Variants in SEMA6D observed in about 807,000 individuals in gnomAD.
SEMA6D encodes semaphorin 6D, also known as semaphorin-6D.
SEMA6D carries 35 observed loss-of-function variants against 106.6 expected under a neutral mutation model. The observed-to-expected ratio is 0.33, with a 90% CI of 0.25 to 0.44. The LOEUF (loss-of-function observed/expected upper bound fraction) is 0.44, where lower values mean the gene tolerates loss of function less well. SEMA6D is among the 20% of genes least tolerant of loss of function. The pLI is 1.00. For missense variants in SEMA6D, 1,185 were observed against 1,345.9 expected (o/e 0.88, Z 1.87); for synonymous variants, 499 against 487.7 (o/e 1.02, Z -0.31).
At chr15:47,365,357 A>G (rs1595834602) in intron 1 of SEMA6D, among the ~76,000 whole-genome samples, 2 of 152,142 alleles carry the variant, frequency 1.3e-5, no homozygotes, top group Non-Finnish European at 2.9e-5. Context: ...TCCCTGCCCT[A>G]CAACAGTGCC....
intron 3 of SEMA6D, among the ~76,000 whole-genome samples, chr15:47,472,687 C>T (rs1214508978): frequency 6.6e-6 from 1 of 151,814 alleles, no homozygotes; most frequent in African/African-American, 2.4e-5. Context: ...ATAAAAATAC[C>T]AATAACATTG....
chr15:47,745,122 A>T (rs2081053332), intron 1 of SEMA6D, among the ~76,000 whole-genome samples: 2 of 152,218 alleles, frequency 1.3e-5, no homozygotes, highest in East Asian at 3.9e-4. Context: ...ACAAATGTAG[A>T]TAAGGGTTTG....
intron 8 of SEMA6D, among the ~76,000 whole-genome samples, chr15:47,762,526 T>C (rs1225977757): frequency 6.6e-6 from 1 of 152,088 alleles, no homozygotes; most frequent in Non-Finnish European, 1.5e-5. Context: ...TCCAGGTGTT[T>C]ATCCTAGGTG....
At chr15:47,511,202 A>T (rs1223306055) in intron 3 of SEMA6D, among the ~76,000 whole-genome samples, 1 of 152,080 alleles carries the variant, frequency 6.6e-6, no homozygotes, top group Non-Finnish European at 1.5e-5. Context: ...AAGGAGGTGG[A>T]GTTGGTTTGG....
chr15:47,510,671 G>A (rs1336265738), intron 3 of SEMA6D, among the ~76,000 whole-genome samples: 1 of 152,224 alleles, frequency 6.6e-6, no homozygotes, highest in Non-Finnish European at 1.5e-5. Flanking sequence ...AGTGTGAGGT[G>A]CAGCAGTAAG....
chr15:47,262,666 T>C (rs1272963893), intron 1 of SEMA6D, among the ~76,000 whole-genome samples: 4 of 151,970 alleles, frequency 2.6e-5, no homozygotes, highest in Admixed American at 2.0e-4. Context: ...CAAACTACCA[T>C]TGGCATTCTT....
chr15:47,629,748 A>T (rs781644956), intron 4 of SEMA6D, among the ~76,000 whole-genome samples: 1 of 151,722 alleles, frequency 6.6e-6, no homozygotes, highest in Non-Finnish European at 1.5e-5. Context: ...TCTGTTCTTT[A>T]TGTCCATGAG....
intron 1 of SEMA6D, among the ~76,000 whole-genome samples, chr15:47,300,942 G>A (rs2035995255): frequency 6.6e-6 from 1 of 152,194 alleles, no homozygotes; most frequent in Non-Finnish European, 1.5e-5. Context: ...CTTATTGCCT[G>A]CAAGAAAATA....
intron 17 of SEMA6D, 49 bp downstream of exon 17, chr15:47,767,142 G>T: frequency 7.7e-7 from 1 of 1,304,320 alleles, no homozygotes. Context: ...CTTTCCTTCA[G>T]TTCAGCATTT....
At chr15:47,746,984 G>GTGTATATATATATATATATATATATATA (rs1401767590) in intron 1 of SEMA6D, among the ~76,000 whole-genome samples, 57 of 122,084 alleles carry the variant, frequency 4.7e-4, no homozygotes, top group East Asian at 1.6e-3. Context: ...GTGTGTGTGT[G>GTGTATATATATATATATATATATATATA]TATATATATA....
intron 3 of SEMA6D, among the ~76,000 whole-genome samples, chr15:47,542,999 C>A (rs1488592083): frequency 6.6e-6 from 1 of 152,120 alleles, no homozygotes; most frequent in East Asian, 1.9e-4. Context: ...CAATGTCCTG[C>A]ACATTTACTG....
chr15:47,389,550 T>C lies in SEMA6D; in HGVS notation c.-238-22843T>C, dbSNP rs543262559. 3.3e-5 allele frequency among the ~76,000 whole-genome samples: 5 copies of C among 152,350 alleles called. No homozygotes were observed. The East Asian group carries it at 9.6e-4, about 29-fold the overall frequency. ...CTTTAATGTACTTAGAGGTTAACTA[T>C]TGAGGTTACGGTAAAAGATAAAGCT... On this transcript the variant is annotated intron_variant, in intron 1 of 19. Coordinates refer to the SEMA6D transcript ENST00000558014.
At chr15:47,257,741 A>G (rs2033883053) in intron 1 of SEMA6D, among the ~76,000 whole-genome samples, 1 of 151,778 alleles carries the variant, frequency 6.6e-6, no homozygotes, top group African/African-American at 2.4e-5. Context: ...AAAAAAAAAA[A>G]TCCTGGGTAC....
At chr15:47,577,046 A>G (rs1291939843) in intron 3 of SEMA6D, among the ~76,000 whole-genome samples, 1 of 152,180 alleles carries the variant, frequency 6.6e-6, no homozygotes, top group Non-Finnish European at 1.5e-5. Flanking sequence ...TTCTGTTTCT[A>G]TTCCCCAAGC....
Position 47,761,052 on chromosome 15 carries a change from G to T in SEMA6D, c.282+14G>T, listed in dbSNP as rs373474008. On this transcript the variant is annotated intron_variant, in intron 4 of 18. Coordinates refer to ENST00000536845, the MANE Select transcript of SEMA6D (RefSeq NM_001358351.3). Reference sequence around the variant, plus strand: ...ATACCCAACAAGGTGAGCAACTGTAGTTGGCAAATTTATTTACCTTCCCTC... The same window carrying T: ...ATACCCAACAAGGTGAGCAACTGTATTTGGCAAATTTATTTACCTTCCCTC... The T allele has an allele frequency of 1.2e-6, 2 of 1,612,196 alleles. No homozygotes were observed. The highest frequency in any genetic ancestry group is 1.7e-6 in the Non-Finnish European group (2 of 1,179,458).
chr15:47,292,938 C>T (rs769293123), intron 1 of SEMA6D, among the ~76,000 whole-genome samples: 2 of 152,096 alleles, frequency 1.3e-5, no homozygotes, highest in Non-Finnish European at 2.9e-5. Context: ...CTGACTTGTT[C>T]GCCTGGCTGT....
chr15:47,356,582 A>T (rs76047553), intron 1 of SEMA6D, among the ~76,000 whole-genome samples: 10 of 152,090 alleles, frequency 6.6e-5, no homozygotes, highest in African/African-American at 2.4e-4. Flanking sequence ...AAAAAAAAAA[A>T]ATCCTTACAA....
intron 1 of SEMA6D, among the ~76,000 whole-genome samples, chr15:47,354,136 T>C (rs1025821945): frequency 1.3e-5 from 2 of 150,382 alleles, no homozygotes; most frequent in Admixed American, 6.7e-5. Flanking sequence ...TGTGTATATA[T>C]ATATGGAATG....
intron 1 of SEMA6D, among the ~76,000 whole-genome samples, chr15:47,239,351 CAG>C (rs1363589207): frequency 6.6e-6 from 1 of 152,062 alleles, no homozygotes; most frequent in Non-Finnish European, 1.5e-5. Context: ...GTTATAAAAA[CAG>C]AAATAAAGTG....
Sources: allele counts gnomAD v4.1 joint callset (sites outside exome capture counted in the v4.1 genomes callset), GRCh38; gene constraint gnomAD v4.1.1; transcripts MANE v1.5; gene names NCBI Gene and HGNC (gene_info 2026-07-23, HGNC 2026-07-21).